The following ATOSA variants were observed in gnomAD, a reference collection of about 807,000 sequenced individuals.
ATOSA encodes the protein atos homolog A.
chr15:52,599,908 T>A, the ATOSA span, among the ~76,000 whole-genome samples: 3 of 152,166 alleles, frequency 2.0e-5, no homozygotes, highest in Admixed American at 6.5e-5. Flanking sequence ...TTTCATCAGG[T>A]CTTCTCTTCT....
the ATOSA span, among the ~76,000 whole-genome samples, chr15:52,708,776 A>C: frequency 6.6e-6 from 1 of 152,140 alleles, no homozygotes; most frequent in Non-Finnish European, 1.5e-5. Context: ...AGTTGTTTAC[A>C]GATAGCTAAT....
chr15:52,590,420 T>C, the ATOSA span, among the ~76,000 whole-genome samples: 1 of 152,178 alleles, frequency 6.6e-6, no homozygotes, highest in Non-Finnish European at 1.5e-5. Context: ...GAGAATAATA[T>C]TATATGGCTT....
At chr15:52,595,284 A>C in the ATOSA span, among the ~76,000 whole-genome samples, 1 of 152,322 alleles carries the variant, frequency 6.6e-6, no homozygotes, top group South Asian at 2.1e-4. Flanking sequence ...TCCAGTAGAC[A>C]ATAAACGTCT....
chr15:52,650,457 C>T, the ATOSA span, among the ~76,000 whole-genome samples: 1 of 152,082 alleles, frequency 6.6e-6, no homozygotes, highest in Non-Finnish European at 1.5e-5. Context: ...TCTTTAAGGA[C>T]TATTTTGTAA....
At chr15:52,581,939 A>C in the ATOSA span, 1 of 402,686 alleles carries the variant, frequency 2.5e-6, no homozygotes, top group Admixed American at 4.5e-5. Flanking sequence ...TGTCCAATGA[A>C]GTGGTTTCAA....
At chr15:52,587,100 A>G in the ATOSA span, 2 of 1,610,456 alleles carry the variant, frequency 1.2e-6, no homozygotes, top group South Asian at 1.1e-5. Flanking sequence ...GCTAAGTTCT[A>G]TATGTATGTG....
At chr15:52,674,657 A>T in the ATOSA span, among the ~76,000 whole-genome samples, 1 of 152,174 alleles carries the variant, frequency 6.6e-6, no homozygotes, top group Non-Finnish European at 1.5e-5. Context: ...ACTATATATT[A>T]AAAAATTATT....
the ATOSA span, among the ~76,000 whole-genome samples, chr15:52,612,385 T>G: frequency 9.9e-5 from 15 of 152,204 alleles, no homozygotes; most frequent in Non-Finnish European, 1.6e-4. Flanking sequence ...GGCCTCTGAG[T>G]TGGCCCAGCC....
chr15:52,699,465 TAGGATTAAA>T, the ATOSA span, among the ~76,000 whole-genome samples: 1 of 151,724 alleles, frequency 6.6e-6, no homozygotes, highest in African/African-American at 2.4e-5. Flanking sequence ...GTGCACAAGA[TAGGATTAAA>T]AGGATTTGGA....
At chr15:52,661,439 C>T in the ATOSA span, among the ~76,000 whole-genome samples, 12 of 152,122 alleles carry the variant, frequency 7.9e-5, no homozygotes, top group African/African-American at 2.9e-4. Context: ...TTGAGTTTTA[C>T]TTTTTTAGTT....
the ATOSA span, among the ~76,000 whole-genome samples, chr15:52,616,630 A>G: frequency 2.8e-4 from 42 of 152,138 alleles, no homozygotes; most frequent in Admixed American, 2.7e-3. Context: ...CAATTGATTC[A>G]AAGTGGGGAC....
the ATOSA span, among the ~76,000 whole-genome samples, chr15:52,606,556 A>T: frequency 6.6e-6 from 1 of 152,186 alleles, no homozygotes; most frequent in African/African-American, 2.4e-5. Flanking sequence ...GAAGGGGCAC[A>T]CAGTAAATTG....
chr15:52,613,522 G>C, the ATOSA span: 1 of 912,108 alleles, frequency 1.1e-6, no homozygotes, highest in East Asian at 2.7e-5. Context: ...AAGGTTATTA[G>C]CTATGGTCCA....
chr15:52,631,316 T>G, the ATOSA span, among the ~76,000 whole-genome samples: 1 of 152,180 alleles, frequency 6.6e-6, no homozygotes, highest in Non-Finnish European at 1.5e-5. Context: ...AAATAAGCAC[T>G]GTGCTGGATT....
chr15:52,648,793 T>C, the ATOSA span: 6 of 152,128 alleles, frequency 3.9e-5, no homozygotes, highest in Non-Finnish European at 8.8e-5. Context: ...CCTTAGGGGC[T>C]GATTACTTTT....
At chr15:52,666,298 C>T in the ATOSA span, among the ~76,000 whole-genome samples, 1 of 152,174 alleles carries the variant, frequency 6.6e-6, no homozygotes, top group Non-Finnish European at 1.5e-5. Context: ...AGAGACATTT[C>T]CAAAGGAGTC....
the ATOSA span, chr15:52,610,017 T>C: frequency 8.7e-6 from 14 of 1,613,814 alleles, no homozygotes; most frequent in Non-Finnish European, 1.2e-5. Flanking sequence ...CTGGATATAG[T>C]TTGATATTTT....
chr15:52,684,402 T>C, the ATOSA span, among the ~76,000 whole-genome samples: 6 of 152,116 alleles, frequency 3.9e-5, no homozygotes, highest in African/African-American at 1.2e-4. Flanking sequence ...CCAGGCACGA[T>C]GGCATGAACC....
chr15:52,639,404 A>G, the ATOSA span, among the ~76,000 whole-genome samples: 85,956 of 152,072 alleles, frequency 0.57, 27,752 homozygotes, highest in Non-Finnish European at 0.72. Context: ...ATTCCCCTGG[A>G]CTAGACTACT....
Sources: allele counts gnomAD v4.1 joint callset (sites outside exome capture counted in the v4.1 genomes callset), GRCh38; gene constraint gnomAD v4.1.1; transcripts MANE v1.5; gene names NCBI Gene and HGNC (gene_info 2026-07-23, HGNC 2026-07-21).